Variants in VIT observed in about 807,000 individuals in gnomAD.
VIT encodes vitrin.
Under a neutral mutation model 78.0 loss-of-function variants are expected in VIT, and 99 were observed. The ratio of observed to expected loss-of-function variants is 1.27; its 90% confidence interval spans 1.08 to 1.50. The LOEUF is 1.50. VIT is among the 40% of genes most tolerant of loss of function. The pLI is 0.00. For missense variants in VIT, 1,126 were observed against 875.3 expected, an observed-to-expected ratio of 1.29 and a Z score of -3.61; for synonymous variants, 374 against 334.3, an observed-to-expected ratio of 1.12 and a Z score of -1.29.
chr2:36,707,652 C>T (rs1307714847), intron 1 of VIT, among the ~76,000 whole-genome samples: 1 of 152,144 alleles, frequency 6.6e-6, no homozygotes, highest in Admixed American at 6.5e-5. Context: ...ATTTCCTTTA[C>T]CAAATCGGGA....
chr2:36,785,789 A>G (rs952742751), intron 11 of VIT, among the ~76,000 whole-genome samples: 7 of 152,216 alleles, frequency 4.6e-5, no homozygotes, highest in African/African-American at 1.2e-4. Flanking sequence ...TTTGATTGCC[A>G]TGCAACACTG....
At chr2:36,709,146 T>C (rs1665644013) in intron 1 of VIT, among the ~76,000 whole-genome samples, 1 of 152,074 alleles carries the variant, frequency 6.6e-6, no homozygotes, top group African/African-American at 2.4e-5. Flanking sequence ...CGAAACTCCG[T>C]CTCAAAAATA....
At chr2:36,793,271 G>A (rs1665632934) in intron 12 of VIT, among the ~76,000 whole-genome samples, 1 of 152,066 alleles carries the variant, frequency 6.6e-6, no homozygotes, top group Non-Finnish European at 1.5e-5. Context: ...CTTTTTGGTA[G>A]ATGAGTGGAA....
rs1462349295 is a variant in VIT, at chr2:36,767,246, C to T, written c.640C>T (p.Pro214Ser). 1 of 1,593,116 alleles carries T rather than the reference C, an allele frequency of 6.3e-7. No individual in the cohort carries two copies. The highest frequency in any genetic ancestry group is 1.3e-5 in the African/African-American group (1 of 74,090). ...TTCTGCTGCTTCTACCACCAGCATCCCCAGACCACAATCAGTGGGCCACAG... is the reference window on the plus strand; with the variant it reads ...TTCTGCTGCTTCTACCACCAGCATCTCCAGACCACAATCAGTGGGCCACAG... ...SPSAASTTSIPRPQSVGHRSQ... is the reference protein window; with the variant it reads ...SPSAASTTSISRPQSVGHRSQ... Residue 214 changes from proline (P) to serine (S), a missense_variant, in exon 7 of 16, where the codon CCC (proline) becomes TCC (serine). Transcript: ENST00000379242.
intron 9 of VIT, among the ~76,000 whole-genome samples, chr2:36,776,310 C>T (rs1341176388): frequency 6.6e-6 from 1 of 152,134 alleles, no homozygotes; most frequent in Non-Finnish European, 1.5e-5. Context: ...AGATTTTCTC[C>T]ACATATTTCA....
chr2:36,767,432 C>T, intron 7 of VIT, 147 bp downstream of exon 7: 3 of 773,982 alleles, frequency 3.9e-6, no homozygotes, highest in Non-Finnish European at 5.5e-6. Flanking sequence ...GTGTCCTCCT[C>T]CTAGATTCAA....
chr2:36,765,277 A>G (rs1409692794), intron 6 of VIT, among the ~76,000 whole-genome samples: 1 of 152,154 alleles, frequency 6.6e-6, no homozygotes, highest in East Asian at 1.9e-4. Flanking sequence ...ACACTGCTAT[A>G]AAGACACTAC....
intron 1 of VIT, among the ~76,000 whole-genome samples, chr2:36,709,376 C>A (rs926063048): frequency 6.6e-6 from 1 of 152,154 alleles, no homozygotes; most frequent in African/African-American, 2.4e-5. Flanking sequence ...GAAATAGTCT[C>A]TACCTCATCG....
intron 1 of VIT, among the ~76,000 whole-genome samples, chr2:36,697,883 G>T (rs955935557): frequency 6.6e-6 from 1 of 152,202 alleles, no homozygotes; most frequent in South Asian, 2.1e-4. Context: ...GTATTTTGCC[G>T]TTACGTTGTG....
At chr2:36,803,015 G>T (rs995663315) in intron 13 of VIT, among the ~76,000 whole-genome samples, 1 of 152,174 alleles carries the variant, frequency 6.6e-6, no homozygotes, top group Admixed American at 6.5e-5. Flanking sequence ...TTTTGCCATG[G>T]CAACCTCTTC....
At chr2:36,717,759 C>A (rs760647480) in intron 2 of VIT, among the ~76,000 whole-genome samples, 1 of 152,128 alleles carries the variant, frequency 6.6e-6, no homozygotes, top group South Asian at 2.1e-4. Context: ...AGCACAGAAG[C>A]CTTTCAGACA....
intron 1 of VIT, among the ~76,000 whole-genome samples, chr2:36,701,393 G>A (rs763148236): frequency 1.2e-4 from 19 of 152,114 alleles, no homozygotes; most frequent in Non-Finnish European, 2.2e-4. Flanking sequence ...GCAGCTTGTC[G>A]CAGAAAGAAT....
intron 13 of VIT, among the ~76,000 whole-genome samples, chr2:36,802,904 G>C (rs1167516113): frequency 1.3e-5 from 2 of 152,226 alleles, no homozygotes; most frequent in African/African-American, 4.8e-5. Context: ...GAAGCAGACT[G>C]TAGGCTGAGC....
At chr2:36,723,136 T>C (rs1666617620) in intron 2 of VIT, among the ~76,000 whole-genome samples, 1 of 152,178 alleles carries the variant, frequency 6.6e-6, no homozygotes, top group Admixed American at 6.5e-5. Context: ...AGAGTCATTC[T>C]TAAGGTTAGA....
intron 1 of VIT, among the ~76,000 whole-genome samples, chr2:36,700,548 C>A (rs1276788073): frequency 6.6e-6 from 1 of 151,942 alleles, no homozygotes; most frequent in Non-Finnish European, 1.5e-5. Context: ...TTGAGACCAG[C>A]CCAGGCAACA....
chr2:36,753,640 G>C (rs1474708995), intron 4 of VIT, among the ~76,000 whole-genome samples: 5 of 152,144 alleles, frequency 3.3e-5, no homozygotes, highest in African/African-American at 9.7e-5. Flanking sequence ...CCCTTTGTCA[G>C]CAGCACAGGC....
chr2:36,806,368 A>G (rs762174505), intron 14 of VIT, among the ~76,000 whole-genome samples: 22 of 152,152 alleles, frequency 1.4e-4, no homozygotes, highest in Non-Finnish European at 2.2e-4. Flanking sequence ...CAAACTGATG[A>G]CCACTTCCTG....
At chr2:36,806,667 C>G (rs1347600269) in intron 14 of VIT, among the ~76,000 whole-genome samples, 1 of 152,206 alleles carries the variant, frequency 6.6e-6, no homozygotes, top group East Asian at 1.9e-4. Context: ...CTGCCTCAGC[C>G]TCCCAAATAG....
At chr2:36,738,013 C>T (rs773653447) in intron 3 of VIT, among the ~76,000 whole-genome samples, 1 of 152,148 alleles carries the variant, frequency 6.6e-6, no homozygotes, top group East Asian at 1.9e-4. Flanking sequence ...TCAGAAATAA[C>T]GGGAAAACAG....
Sources: gnomAD v4.1 joint callset for allele counts (sites outside exome capture counted in the v4.1 genomes callset) on GRCh38, gnomAD v4.1.1 for gene constraint, MANE v1.5 for transcripts, NCBI Gene and HGNC (gene_info 2026-07-23, HGNC 2026-07-21) for gene names.